Variants in ELMO1 observed in about 807,000 individuals in gnomAD.
ELMO1 encodes engulfment and cell motility protein 1.
In ELMO1, 26 loss-of-function variants were observed where a neutral mutation model predicts 98.9. The observed-to-expected ratio is 0.26, with a 90% CI of 0.19 to 0.36. ELMO1 has a LOEUF of 0.36. Ranked by LOEUF, ELMO1 falls within the 10% of genes least tolerant of loss-of-function variation. The pLI, the probability that ELMO1 is intolerant of heterozygous loss-of-function variation, is 1.00. For synonymous variants in ELMO1, 346 were observed against 346.0 expected, an observed-to-expected ratio of 1.00 and a Z score of 0.00; for missense variants, 627 against 935.2, an observed-to-expected ratio of 0.67 and a Z score of 4.30.
chr7:37,237,494 T>A (rs1794537800), intron 7 of ELMO1, among the ~76,000 whole-genome samples: 2 of 152,198 alleles, frequency 1.3e-5, no homozygotes, highest in Non-Finnish European at 2.9e-5. Context: ...TTCGCCATGT[T>A]AGCCAGGCTG....
At chr7:37,434,277 T>A (rs1192287703) in intron 1 of ELMO1, among the ~76,000 whole-genome samples, 1 of 152,134 alleles carries the variant, frequency 6.6e-6, no homozygotes, top group Non-Finnish European at 1.5e-5. Flanking sequence ...AAAAGAAAAG[T>A]GAAGTCTGGG....
At chr7:37,282,296 C>A (rs969665681) in intron 4 of ELMO1, among the ~76,000 whole-genome samples, 1 of 152,176 alleles carries the variant, frequency 6.6e-6, no homozygotes, top group African/African-American at 2.4e-5. Context: ...CTTCTCACTC[C>A]CTCTCCATCC....
chr7:37,222,059 T>G (rs1793627187), intron 10 of ELMO1, among the ~76,000 whole-genome samples: 1 of 152,054 alleles, frequency 6.6e-6, no homozygotes, highest in African/African-American at 2.4e-5. Context: ...CACACAGAAG[T>G]AAGTAATCTC....
intron 16 of ELMO1, among the ~76,000 whole-genome samples, chr7:36,914,002 C>T (rs1784515029): frequency 6.6e-6 from 1 of 152,234 alleles, no homozygotes; most frequent in Non-Finnish European, 1.5e-5. Flanking sequence ...TGAACATGCA[C>T]ATGCACGTTT....
intron 1 of ELMO1, among the ~76,000 whole-genome samples, chr7:37,344,958 C>A (rs1329697009): frequency 6.6e-6 from 1 of 152,152 alleles, no homozygotes; most frequent in African/African-American, 2.4e-5. Context: ...GAGTTACTAT[C>A]CCAGATCTCA....
intron 16 of ELMO1, among the ~76,000 whole-genome samples, chr7:36,981,348 T>C (rs908616707): frequency 2.0e-5 from 3 of 151,886 alleles, no homozygotes; most frequent in Non-Finnish European, 4.4e-5. Context: ...TACTTTTTCA[T>C]GGTGAGTTTT....
At chr7:37,420,332 T>G (rs1804418901) in intron 1 of ELMO1, among the ~76,000 whole-genome samples, 1 of 152,214 alleles carries the variant, frequency 6.6e-6, no homozygotes, top group Non-Finnish European at 1.5e-5. Context: ...GGAGCAGAGA[T>G]ATATTACCAT....
chr7:37,062,838 T>C (rs1796738696), intron 15 of ELMO1, among the ~76,000 whole-genome samples: 1 of 152,112 alleles, frequency 6.6e-6, no homozygotes, highest in Non-Finnish European at 1.5e-5. Flanking sequence ...CAAGTTCTCC[T>C]CAAGATGAGG....
intron 7 of ELMO1, among the ~76,000 whole-genome samples, chr7:37,243,808 A>C (rs1794869054): frequency 6.6e-6 from 1 of 152,238 alleles, no homozygotes. Context: ...GTTAAGAAAG[A>C]AACTTAGAAG....
At chr7:37,075,715 G>A (rs193011661) in intron 15 of ELMO1, among the ~76,000 whole-genome samples, 110 of 152,218 alleles carry the variant, frequency 7.2e-4, no homozygotes, top group Admixed American at 1.8e-3. Flanking sequence ...AGGGGGAGAA[G>A]CCTAGGGATA....
chr7:37,033,868 T>C (rs1316720959), intron 15 of ELMO1, among the ~76,000 whole-genome samples: 1 of 151,990 alleles, frequency 6.6e-6, no homozygotes, highest in Non-Finnish European at 1.5e-5. Flanking sequence ...GGGTGCGGAA[T>C]AAAGACAACA....
At chr7:36,878,219 C>A in intron 18 of ELMO1, 102 bp from the exon 19 acceptor site, 1 of 852,744 alleles carries the variant, frequency 1.2e-6, no homozygotes, top group South Asian at 1.6e-5. Flanking sequence ...ACAAGCAGTT[C>A]ATTTGATTTT....
intron 1 of ELMO1, among the ~76,000 whole-genome samples, chr7:37,373,472 G>A (rs528388867): frequency 3.3e-5 from 5 of 152,132 alleles, no homozygotes; most frequent in Admixed American, 2.6e-4. Flanking sequence ...AGCTGGGTGT[G>A]GTGGCACATG....
chr7:37,330,528 G>A (rs1458478271), intron 2 of ELMO1, among the ~76,000 whole-genome samples: 6 of 152,040 alleles, frequency 3.9e-5, no homozygotes, highest in African/African-American at 1.4e-4. Context: ...GTGGATGTCT[G>A]AAACCTCAGA....
At chr7:37,444,015 T>C (rs1805515225) in intron 1 of ELMO1, among the ~76,000 whole-genome samples, 1 of 152,198 alleles carries the variant, frequency 6.6e-6, no homozygotes, top group African/African-American at 2.4e-5. Context: ...AGCCATTCTC[T>C]TGCCTCAGCC....
chr7:37,052,452 C>T (rs778014106), intron 15 of ELMO1, among the ~76,000 whole-genome samples: 2 of 152,168 alleles, frequency 1.3e-5, no homozygotes, highest in African/African-American at 2.4e-5. Flanking sequence ...GAGCTCTCAT[C>T]GAACCCTTAA....
chr7:37,119,268 A>C (rs978356583), intron 14 of ELMO1, among the ~76,000 whole-genome samples: 1 of 152,234 alleles, frequency 6.6e-6, no homozygotes. Context: ...AGAGATCTAC[A>C]GACTGGAAGG....
intron 13 of ELMO1, among the ~76,000 whole-genome samples, chr7:37,152,060 A>G (rs896786581): frequency 1.3e-5 from 2 of 152,238 alleles, no homozygotes; most frequent in African/African-American, 4.8e-5. Context: ...AATGTTAGGT[A>G]AATAGCATGT....
intron 2 of ELMO1, among the ~76,000 whole-genome samples, chr7:37,323,214 G>C (rs1050495632): frequency 6.6e-6 from 1 of 152,194 alleles, no homozygotes; most frequent in African/African-American, 2.4e-5. Context: ...ATATGAATCT[G>C]ACTGGCAAAG....
Sources: gnomAD v4.1 joint callset for allele counts (sites outside exome capture counted in the v4.1 genomes callset) on GRCh38, gnomAD v4.1.1 for gene constraint, MANE v1.5 for transcripts, NCBI Gene and HGNC (gene_info 2026-07-23, HGNC 2026-07-21) for gene names.